Variants in TTC28 observed in about 807,000 individuals in gnomAD.
TTC28 encodes the protein tetratricopeptide repeat domain 28.
TTC28 carries 61 observed loss-of-function variants against 198.0 expected under a neutral mutation model. That is an observed-to-expected ratio of 0.31 (90% confidence interval 0.25 to 0.38). The LOEUF is 0.38. Among genes scored for constraint, TTC28 ranks in the 10% least tolerant of loss-of-function variants. The probability of loss-of-function intolerance (pLI) is 1.00; values close to 1 mark genes in which losing one functional copy is unlikely to be tolerated. For missense variants in TTC28, 2,678 were observed against 3,164.0 expected (o/e 0.85, Z 3.69); for synonymous variants, 1,171 against 1,297.8 (o/e 0.90, Z 2.10).
chr22:28,045,793 G>T (rs1939838591), intron 12 of TTC28, among the ~76,000 whole-genome samples: 1 of 152,134 alleles, frequency 6.6e-6, no homozygotes, highest in Admixed American at 6.5e-5. Flanking sequence ...GTGAAACCTT[G>T]TCTCTACTAA....
chr22:28,300,525 A>G (rs955554415), intron 3 of TTC28, among the ~76,000 whole-genome samples: 1 of 152,246 alleles, frequency 6.6e-6, no homozygotes, highest in African/African-American at 2.4e-5. Flanking sequence ...GAGAAGTAAA[A>G]GATAAAATTT....
At chr22:28,584,379 T>C (rs948640512) in intron 2 of TTC28, among the ~76,000 whole-genome samples, 23 of 152,204 alleles carry the variant, frequency 1.5e-4, no homozygotes, top group African/African-American at 5.3e-4. Context: ...AGGATCTCTG[T>C]AGCATCACCA....
intron 5 of TTC28, among the ~76,000 whole-genome samples, chr22:28,225,065 C>T (rs745579704): frequency 6.6e-6 from 1 of 152,048 alleles, no homozygotes. Flanking sequence ...CAGACTACTG[C>T]CACATCTCAC....
chr22:27,983,383 A>C lies in TTC28; in HGVS notation c.6284T>G (p.Val2095Gly), dbSNP rs1937090256. Residue 2095 changes from valine to glycine, a missense_variant, in exon 23 of 23, where the codon GTC becomes GGC. This residue lies in a region of TTC28 where 622 missense variants were observed against 656.0 expected (regional missense o/e 0.95). Coordinates refer to ENST00000397906, the MANE Select transcript of TTC28 (RefSeq NM_001145418.2). ...GATGCTCCCTTTGGAGCTCACCGAG[A>C]CTCTCATGCCTCCGGCTGTCCCAGG... Reference protein sequence around the residue: ...PQPGTAGGMRVSVSSKGSIST... With the variant: ...PQPGTAGGMRGSVSSKGSIST... 1 of 1,549,500 alleles carries C rather than the reference A, an allele frequency of 6.5e-7. No individual in the cohort carries two copies. Among genetic ancestry groups the C allele is most frequent in the Non-Finnish European group, 8.7e-7 (1 of 1,146,848 alleles).
In TTC28 at chr22:28,019,259, A is replaced by T. The variant is rs530282336; in HGVS notation, c.4074-4867T>A. On this transcript the variant is annotated intron_variant, in intron 13 of 22. Coordinates refer to ENST00000397906, the MANE Select transcript of TTC28 (RefSeq NM_001145418.2). The stretch of plus-strand genomic sequence containing the variant: ...GGGCCTCTTCTAGGGTTTTTAAAAA[A>T]TTTTTTTTTTACTGATGATCAATCC... Among the ~76,000 whole-genome samples, 731 of 150,668 alleles carry T rather than the reference A, an allele frequency of 4.9e-3. 2 individuals are homozygous for T. The highest frequency in any genetic ancestry group is 0.017 in the Middle Eastern group (5 of 292).
chr22:28,062,413 C>CTTT (rs57398979), intron 12 of TTC28, among the ~76,000 whole-genome samples: 3 of 102,304 alleles, frequency 2.9e-5, no homozygotes, highest in African/African-American at 3.7e-5. Context: ...TTTAACTCTT[C>CTTT]TTTTTTTTTT....
intron 1 of TTC28, among the ~76,000 whole-genome samples, chr22:28,642,429 C>T (rs144427180): frequency 3.0e-4 from 43 of 145,120 alleles, no homozygotes; most frequent in African/African-American, 9.6e-4. Context: ...AGCTGTTTGC[C>T]GTTTAAAAAA....
intron 2 of TTC28, among the ~76,000 whole-genome samples, chr22:28,498,641 G>A (rs2048491692): frequency 1.3e-5 from 2 of 152,144 alleles, no homozygotes; most frequent in African/African-American, 2.4e-5. Flanking sequence ...AGTCCTATTT[G>A]TGCAAAACCA....
intron 5 of TTC28, among the ~76,000 whole-genome samples, chr22:28,196,753 T>G: frequency 6.6e-6 from 1 of 152,024 alleles, no homozygotes; most frequent in Non-Finnish European, 1.5e-5. Context: ...ATGGCGATCA[T>G]TAAAAAGTCA....
intron 5 of TTC28, among the ~76,000 whole-genome samples, chr22:28,205,010 A>C (rs1374318745): frequency 6.6e-6 from 1 of 152,170 alleles, no homozygotes; most frequent in Non-Finnish European, 1.5e-5. Context: ...TGTTTCAGGT[A>C]AAATACGATC....
intron 17 of TTC28, among the ~76,000 whole-genome samples, chr22:27,995,375 G>A (rs1306357469): frequency 6.6e-6 from 1 of 152,204 alleles, no homozygotes; most frequent in African/African-American, 2.4e-5. Context: ...GAAGATGTGG[G>A]GTGGGCCAGG....
intron 6 of TTC28, among the ~76,000 whole-genome samples, chr22:28,161,615 C>T (rs1264085881): frequency 6.6e-6 from 1 of 151,222 alleles, no homozygotes; most frequent in African/African-American, 2.4e-5. Flanking sequence ...GATTGCACCA[C>T]TATACTCCAG....
At chr22:28,166,319 C>T (rs1601415276) in intron 5 of TTC28, among the ~76,000 whole-genome samples, 2 of 152,150 alleles carry the variant, frequency 1.3e-5, no homozygotes, top group East Asian at 1.9e-4. Context: ...CTGCACCAAG[C>T]GGACCTAACA....
intron 2 of TTC28, among the ~76,000 whole-genome samples, chr22:28,393,752 C>T (rs942332060): frequency 2.6e-5 from 4 of 152,094 alleles, no homozygotes; most frequent in African/African-American, 9.7e-5. Context: ...GTTGCACATA[C>T]GGGCTCTTCA....
At chr22:28,543,964 T>TA (rs1481699334) in intron 2 of TTC28, among the ~76,000 whole-genome samples, 2 of 152,246 alleles carry the variant, frequency 1.3e-5, no homozygotes, top group Non-Finnish European at 2.9e-5. Flanking sequence ...CTCACGCCTG[T>TA]AATCCCAGCA....
At chr22:28,466,691 G>A (rs528428413) in intron 2 of TTC28, among the ~76,000 whole-genome samples, 33 of 152,116 alleles carry the variant, frequency 2.2e-4, no homozygotes, top group Admixed American at 1.9e-3. Flanking sequence ...CAACACCCGC[G>A]TCTTATGTAC....
intron 5 of TTC28, among the ~76,000 whole-genome samples, chr22:28,245,488 T>A (rs955772857): frequency 6.6e-6 from 1 of 152,170 alleles, no homozygotes; most frequent in East Asian, 1.9e-4. Flanking sequence ...AAGGTCACAC[T>A]GTTAATAAAT....
chr22:28,225,107 G>A (rs1928190833), intron 5 of TTC28, among the ~76,000 whole-genome samples: 1 of 151,930 alleles, frequency 6.6e-6, no homozygotes, highest in Non-Finnish European at 1.5e-5. Context: ...GGGCACAATG[G>A]CTCACCTGTA....
intron 2 of TTC28, among the ~76,000 whole-genome samples, chr22:28,473,643 C>A (rs530776898): frequency 6.6e-6 from 1 of 152,328 alleles, no homozygotes; most frequent in African/African-American, 2.4e-5. Flanking sequence ...GGTACCTCTG[C>A]TGCTGCTGTA....
Sources: gnomAD v4.1 joint callset for allele counts (sites outside exome capture counted in the v4.1 genomes callset) on GRCh38, gnomAD v4.1.1 for gene constraint, gnomAD v4.1.1 regional missense constraint, MANE v1.5 for transcripts, NCBI Gene and HGNC (gene_info 2026-07-23, HGNC 2026-07-21) for gene names.